BBS2: variants seen among roughly 807,000 people sequenced by gnomAD.
BBS2 encodes the protein BBSome complex member BBS2.
Under a neutral mutation model 83.0 loss-of-function variants are expected in BBS2, and 62 were observed. The observed-to-expected ratio is 0.75, with a 90% CI of 0.61 to 0.92. The LOEUF (loss-of-function observed/expected upper bound fraction) is 0.92, where lower values mean the gene tolerates loss of function less well. Among genes scored for constraint, BBS2 ranks in the 40% least tolerant of loss-of-function variants. The pLI is 0.00. For synonymous variants in BBS2, 303 were observed against 326.1 expected, an observed-to-expected ratio of 0.93 and a Z score of 0.76; for missense variants, 784 against 901.0, an observed-to-expected ratio of 0.87 and a Z score of 1.66.
intron 2 of BBS2, among the ~76,000 whole-genome samples, chr16:56,514,107 T>G (rs113911897): frequency 6.6e-5 from 10 of 152,334 alleles, no homozygotes; most frequent in African/African-American, 2.4e-4. Flanking sequence ...CAGTAAGGGC[T>G]TCTACAAACT....
rs780878651 is a variant in BBS2, at chr16:56,484,728, T to C, written c.*33A>G. The C allele has an allele frequency of 3.2e-6, 5 of 1,585,150 alleles. No individual in the cohort carries two copies. The East Asian group carries it at 1.1e-4, about 35-fold the overall frequency. ...GCATAGGTTTTTAACAGAAAATCTTTGCCAGGAACTTCATGACCTGTATTT... is the reference window on the plus strand; with the variant it reads ...GCATAGGTTTTTAACAGAAAATCTTCGCCAGGAACTTCATGACCTGTATTT... On this transcript the variant is annotated 3_prime_UTR_variant, in exon 17 of 17. Coordinates refer to ENST00000245157, the MANE Select transcript of BBS2 (RefSeq NM_031885.5).
exon 18 of BBS2, chr16:56,470,463 C>A: frequency 6.3e-7 from 1 of 1,576,090 alleles, no homozygotes; most frequent in Non-Finnish European, 8.6e-7. Flanking sequence ...CTTTGATGAA[C>A]AACTTGACAT....
At chr16:56,479,949 C>G (rs1158123358), downstream of BBS2, among the ~76,000 whole-genome samples, 2 of 152,250 alleles carry the variant, frequency 1.3e-5, no homozygotes, top group Non-Finnish European at 2.9e-5. Flanking sequence ...CCCAACTCCA[C>G]ATCTTTTCTG....
intron 2 of BBS2, among the ~76,000 whole-genome samples, chr16:56,512,076 T>A (rs1355779518): frequency 6.6e-6 from 1 of 152,138 alleles, no homozygotes; most frequent in Non-Finnish European, 1.5e-5. Flanking sequence ...AAATGTCCAT[T>A]TATGCACAAG....
chr16:56,512,825 T>G (rs562191949), intron 2 of BBS2, among the ~76,000 whole-genome samples: 2 of 152,188 alleles, frequency 1.3e-5, no homozygotes, highest in Admixed American at 6.5e-5. Flanking sequence ...TGCATTTTCA[T>G]GTATGTACAT....
At position 56,502,395 on chromosome 16, in the gene BBS2, C is replaced by T; in HGVS notation, c.1002G>A (p.Glu334=). Residue 334 remains glutamate, a synonymous_variant, in exon 9 of 17, where the codon GAG becomes GAA. Transcript: ENST00000245157. The stretch of plus-strand genomic sequence containing the variant: ...GACTCAGCTCTCGGATCAGGTCCTG[C>T]TCTGCACTGGTGTCCATGAGGTTGC... The part of the protein sequence containing the change: ...MRGNLMDTSA[E]QDLIRELSQK... 1 of 1,614,256 alleles carries T rather than the reference C, an allele frequency of 6.2e-7. No individual in the cohort carries two copies. Among genetic ancestry groups the T allele is most frequent in the Non-Finnish European group, 8.5e-7 (1 of 1,180,042 alleles).
chr16:56,510,412 C>T (rs1475064785), intron 4 of BBS2, among the ~76,000 whole-genome samples: 2 of 152,192 alleles, frequency 1.3e-5, no homozygotes, highest in African/African-American at 4.8e-5. Flanking sequence ...CAACACAGCA[C>T]GTCACACCTA....
At chr16:56,507,253 A>G (rs1964445615) in intron 5 of BBS2, among the ~76,000 whole-genome samples, 1 of 152,232 alleles carries the variant, frequency 6.6e-6, no homozygotes, top group South Asian at 2.1e-4. Flanking sequence ...TATGAAGTCC[A>G]TATTTTCATA....
At chr16:56,488,611 A>C (rs1358591470) in intron 15 of BBS2, among the ~76,000 whole-genome samples, 1 of 152,040 alleles carries the variant, frequency 6.6e-6, no homozygotes, top group Admixed American at 6.6e-5. Context: ...ATGTCTAGAA[A>C]ATCTCTGAAT....
chr16:56,519,577 A>G (rs1256069243), intron 1 of BBS2, 169 bp downstream of exon 1: 1 of 606,992 alleles, frequency 1.6e-6, no homozygotes, highest in African/African-American at 1.8e-5. Flanking sequence ...CTCTTCCTCT[A>G]AGACCCCACT....
At chr16:56,482,074 G>T (rs1055305315), downstream of BBS2, among the ~76,000 whole-genome samples, 1 of 152,148 alleles carries the variant, frequency 6.6e-6, no homozygotes, top group African/African-American at 2.4e-5. Context: ...GTATTTTTAG[G>T]TCTAAGAAGG....
At chr16:56,491,373 T>A (rs184214836) in intron 15 of BBS2, among the ~76,000 whole-genome samples, 21 of 152,162 alleles carry the variant, frequency 1.4e-4, no homozygotes, top group Admixed American at 2.0e-4. Flanking sequence ...CAGGTTGTTA[T>A]AAAGTTAGGG....
At chr16:56,491,018 C>G (rs1478435948) in intron 15 of BBS2, among the ~76,000 whole-genome samples, 1 of 152,136 alleles carries the variant, frequency 6.6e-6, no homozygotes, top group African/African-American at 2.4e-5. Context: ...GCCTCAGCCT[C>G]CCAAAGTGCT....
chr16:56,501,337 G>GT lies in BBS2; in HGVS notation c.1225+15dup. ...GCACAGGTGCCTCTAAATACCAGCT[G>GT]TGAGTACTGTCTTACCATTAGAAGT... is the stretch of plus-strand genomic sequence containing the variant. On this transcript the variant is annotated intron_variant, in intron 10 of 16. Coordinates refer to ENST00000245157, the MANE Select transcript of BBS2 (RefSeq NM_031885.5). 6.2e-7 allele frequency: 1 copy of GT among 1,613,764 alleles called. No individual in the cohort carries two copies. Among genetic ancestry groups the GT allele is most frequent in the South Asian group, 1.1e-5 (1 of 91,058 alleles).
chr16:56,510,206 A>G lies in BBS2; in HGVS notation c.535-172T>C, dbSNP rs548873369. ...CTCCCTCTAATGGGAGGATCAGCAG[A>G]TTCAATCAATGAAGGAACAGGGGCT... On this transcript the variant is annotated intron_variant, in intron 4 of 16. Coordinates refer to ENST00000245157, the MANE Select transcript of BBS2 (RefSeq NM_031885.5). Among the ~76,000 whole-genome samples the G allele has an allele frequency of 7.2e-5, 11 of 152,316 alleles. No individual in the cohort carries two copies. The South Asian group carries it at 2.1e-3, about 29-fold the overall frequency.
intron 5 of BBS2, 116 bp from the exon 6 acceptor site, chr16:56,506,340 A>C (rs1964423102): frequency 2.5e-6 from 2 of 788,828 alleles, no homozygotes; most frequent in African/African-American, 3.4e-5. Flanking sequence ...TTAGATTTAA[A>C]AGCGCTTCCA....
chr16:56,496,876 T>C, intron 15 of BBS2, 91 bp downstream of exon 15: 1 of 979,452 alleles, frequency 1.0e-6, no homozygotes, highest in East Asian at 2.4e-5. Context: ...CTGTAACAAT[T>C]TATACTTCTA....
At chr16:56,519,504 G>T (rs1311567692) in intron 1 of BBS2, 2 of 536,438 alleles carry the variant, frequency 3.7e-6, no homozygotes, top group Admixed American at 3.1e-5. Context: ...CTATGTCCAG[G>T]GACCCCGACC....
In BBS2 at chr16:56,511,434, A is replaced by G. The variant is rs1964574150; in HGVS notation, c.346-150T>C. The G allele has an allele frequency of 3.1e-6, 3 of 981,756 alleles. No homozygotes were observed. In the East Asian group the frequency reaches 7.5e-5, roughly 24 times the overall value. 60.8% of individuals were successfully genotyped at this position (981,756 alleles called of 1,614,324 possible). On this transcript the variant is annotated intron_variant, in intron 2 of 16. Transcript: ENST00000245157. The stretch of plus-strand genomic sequence containing the variant: ...GTGGGCCTCACACATTAACTGGCCC[A>G]CGCACATATGGATAATAATCTACTT...
Sources: allele counts gnomAD v4.1 joint callset (sites outside exome capture counted in the v4.1 genomes callset), GRCh38; gene constraint gnomAD v4.1.1; transcripts MANE v1.5; gene names NCBI Gene and HGNC (gene_info 2026-07-23, HGNC 2026-07-21).